The following MRPL1 variants were observed in gnomAD, a reference collection of about 807,000 sequenced individuals.
The protein encoded by MRPL1 is mitochondrial ribosomal protein L1, also known as large ribosomal subunit protein uL1m.
Under a neutral mutation model 38.0 loss-of-function variants are expected in MRPL1, and 28 were observed. The observed-to-expected ratio is 0.74, with a 90% CI of 0.55 to 1.01. MRPL1 has a LOEUF of 1.01. Among genes scored for constraint, MRPL1 ranks in the 50% least tolerant of loss-of-function variants. MRPL1 has a pLI of 0.00. For missense variants in MRPL1, 358 were observed against 389.8 expected, an observed-to-expected ratio of 0.92 and a Z score of 0.69; for synonymous variants, 123 against 126.7, an observed-to-expected ratio of 0.97 and a Z score of 0.20.
intron 7 of MRPL1, among the ~76,000 whole-genome samples, chr4:77,934,990 T>C (rs993263577): frequency 2.0e-5 from 3 of 152,264 alleles, no homozygotes; most frequent in Middle Eastern, 6.8e-3. Context: ...TTCGTAGAGA[T>C]AGAAAGTAGA....
Position 77,927,316 on chromosome 4 carries a change from A to T in MRPL1, c.777+17944A>T, listed in dbSNP as rs544939050. ...AAAAGGTTGTTTTCTAAAGATGTTT[A>T]AATGTTTTCTTATAATCTTATTTAC... is the stretch of plus-strand genomic sequence containing the variant. On this transcript the variant is annotated intron_variant, in intron 7 of 8. Transcript: ENST00000315567. 7.2e-5 allele frequency among the ~76,000 whole-genome samples: 11 copies of T among 152,318 alleles called. No individual in the cohort carries two copies. The South Asian group carries it at 2.3e-3, about 32-fold the overall frequency.
intron 7 of MRPL1, among the ~76,000 whole-genome samples, chr4:77,929,891 G>A (rs1403094614): frequency 1.3e-5 from 2 of 152,058 alleles, no homozygotes; most frequent in South Asian, 2.1e-4. Context: ...AATACATAAT[G>A]TATAAACCTG....
chr4:77,930,142 G>C (rs1736811955), intron 7 of MRPL1, among the ~76,000 whole-genome samples: 1 of 152,226 alleles, frequency 6.6e-6, no homozygotes, highest in Non-Finnish European at 1.5e-5. Flanking sequence ...AAATTAGGCA[G>C]CAGACCTAAG....
At chr4:77,906,436 A>G (rs1736160229) in intron 6 of MRPL1, among the ~76,000 whole-genome samples, 1 of 152,042 alleles carries the variant, frequency 6.6e-6, no homozygotes. Flanking sequence ...AGACTTGTTT[A>G]TTTTATTTTG....
intron 8 of MRPL1, 65 bp downstream of exon 8, chr4:77,949,943 A>G: frequency 1.1e-6 from 1 of 940,198 alleles, no homozygotes; most frequent in Admixed American, 2.5e-5. Flanking sequence ...TAAAATATGA[A>G]GAAAAAAGTC....
chr4:77,875,421 G>C (rs1460188729), intron 2 of MRPL1, among the ~76,000 whole-genome samples: 2 of 151,824 alleles, frequency 1.3e-5, no homozygotes, highest in Non-Finnish European at 2.9e-5. Context: ...CACTTTGGGA[G>C]GCCAAGGTGG....
chr4:77,909,634 A>G (rs936452344), intron 7 of MRPL1, among the ~76,000 whole-genome samples: 5 of 152,128 alleles, frequency 3.3e-5, no homozygotes, highest in African/African-American at 4.8e-5. Flanking sequence ...TGTTGTATGT[A>G]TACACTTTTG....
intron 2 of MRPL1, among the ~76,000 whole-genome samples, chr4:77,879,868 T>A (rs1163254877): frequency 6.6e-6 from 1 of 152,204 alleles, no homozygotes; most frequent in Non-Finnish European, 1.5e-5. Flanking sequence ...CCATTGAAAA[T>A]GAGCATTGTC....
At chr4:77,876,534 T>A (rs1735400729) in intron 2 of MRPL1, among the ~76,000 whole-genome samples, 1 of 152,234 alleles carries the variant, frequency 6.6e-6, no homozygotes, top group African/African-American at 2.4e-5. Flanking sequence ...TAAAAAACCA[T>A]GAAAATTTAT....
In MRPL1 at chr4:77,883,346, A is replaced by C; in HGVS notation, c.248A>C (p.Glu83Ala). Residue 83 changes from glutamate to alanine, a missense_variant, in exon 3 of 9, where the codon GAG becomes GCG. Transcript: ENST00000315567. ...TATCCCTATATGGAAGGCGAACCTG[A>C]GGATGATGTCTATTTAAAACGCTTA... Reference protein sequence around the residue: ...KAYPYMEGEPEDDVYLKRLYP... With the variant: ...KAYPYMEGEPADDVYLKRLYP... 6.2e-7 allele frequency: 1 copy of C among 1,613,926 alleles called. No homozygotes were observed. The highest frequency in any genetic ancestry group is 8.5e-7 in the Non-Finnish European group (1 of 1,179,930).
chr4:77,903,003 A>G (rs970349831), intron 6 of MRPL1, among the ~76,000 whole-genome samples: 1 of 152,238 alleles, frequency 6.6e-6, no homozygotes, highest in African/African-American at 2.4e-5. Context: ...AGCTTGTTTT[A>G]TGAGCTCTGC....
At chr4:77,880,850 G>A (rs1452165528) in intron 2 of MRPL1, among the ~76,000 whole-genome samples, 1 of 152,118 alleles carries the variant, frequency 6.6e-6, no homozygotes, top group East Asian at 1.9e-4. Flanking sequence ...GCTGACATAG[G>A]CTGGGTTTGA....
chr4:77,944,195 T>A (rs1346318631), intron 7 of MRPL1, among the ~76,000 whole-genome samples: 1 of 152,208 alleles, frequency 6.6e-6, no homozygotes, highest in Non-Finnish European at 1.5e-5. Flanking sequence ...GGCTCCAGGC[T>A]GGTACTGGGG....
rs769868659 is a variant in MRPL1, at chr4:77,952,737, C to T, written c.*130C>T. 28 of 617,626 alleles carry T rather than the reference C, an allele frequency of 4.5e-5. No individual in the cohort carries two copies. The African/African-American group carries it at 4.7e-4, about 10-fold the overall frequency. The allele number at this position is 617,626 out of a possible 1,614,324, so 38.3% of individuals were successfully genotyped here. A position where few individuals can be genotyped will look rare whatever the true frequency, so the allele number is the denominator to read the frequency against. On this transcript the variant is annotated 3_prime_UTR_variant, in exon 9 of 9. Transcript: ENST00000315567. ...AAAGTGAACTTTAACATTGAAAAAT[C>T]GTACAGTCATTTCAAGAATAAGAAA...
At chr4:77,873,866 G>T (rs959957813) in intron 2 of MRPL1, among the ~76,000 whole-genome samples, 2 of 152,160 alleles carry the variant, frequency 1.3e-5, no homozygotes, top group Non-Finnish European at 2.9e-5. Context: ...ATAGTATTTA[G>T]TGAAAAGTTG....
chr4:77,902,089 A>G lies in MRPL1; in HGVS notation c.671-7177A>G, dbSNP rs573076864. Among the ~76,000 whole-genome samples, 7 of 152,384 alleles carry G rather than the reference A, an allele frequency of 4.6e-5. No homozygotes were observed. In the South Asian group the frequency reaches 8.3e-4, roughly 18 times the overall value. On this transcript the variant is annotated intron_variant, in intron 6 of 8. Transcript: ENST00000315567. ...ATAAATTAAAATGAAAAAGCCCACT[A>G]GTAAATAACTCATTGATCAAAGAAG...
chr4:77,947,465 T>G (rs1018551891), intron 7 of MRPL1, among the ~76,000 whole-genome samples: 3 of 152,200 alleles, frequency 2.0e-5, no homozygotes, highest in Non-Finnish European at 4.4e-5. Flanking sequence ...CTGTTTGTTT[T>G]TCCCTTGCTG....
intron 1 of MRPL1, among the ~76,000 whole-genome samples, chr4:77,869,663 C>T (rs1311614489): frequency 6.6e-6 from 1 of 151,998 alleles, no homozygotes; most frequent in African/African-American, 2.4e-5. Flanking sequence ...TGGCGCGGCT[C>T]ACTGCAACCT....
chr4:77,941,761 T>C (rs538834534), intron 7 of MRPL1, among the ~76,000 whole-genome samples: 27 of 152,194 alleles, frequency 1.8e-4, no homozygotes, highest in Non-Finnish European at 7.4e-5. Flanking sequence ...TTTTCTCTTT[T>C]TCTTCATTAA....
Sources: gnomAD v4.1 joint callset for allele counts (sites outside exome capture counted in the v4.1 genomes callset) on GRCh38, gnomAD v4.1.1 for gene constraint, MANE v1.5 for transcripts, NCBI Gene and HGNC (gene_info 2026-07-23, HGNC 2026-07-21) for gene names.